PTPN2: variants seen among roughly 807,000 people sequenced by gnomAD.
PTPN2 encodes the protein tyrosine-protein phosphatase non-receptor type 2.
PTPN2 carries 19 observed loss-of-function variants against 57.3 expected under a neutral mutation model. The ratio of observed to expected loss-of-function variants is 0.33; its 90% CI spans 0.23 to 0.49. The LOEUF is 0.49. PTPN2 is among the 20% of genes least tolerant of loss of function. The probability of loss-of-function intolerance (pLI) is 0.99; values close to 1 mark genes in which losing one functional copy is unlikely to be tolerated. For missense variants in PTPN2, 358 were observed against 501.1 expected (o/e 0.71, Z 2.73); for synonymous variants, 153 against 164.9 (o/e 0.93, Z 0.55).
chr18:12,839,022 T>C (rs146320274), intron 2 of PTPN2, among the ~76,000 whole-genome samples: 48 of 151,890 alleles, frequency 3.2e-4, no homozygotes, highest in African/African-American at 1.1e-3. Flanking sequence ...AAATAAAAAG[T>C]ATATATAACT....
At chr18:12,867,084 G>C (rs577254149) in intron 1 of PTPN2, among the ~76,000 whole-genome samples, 1 of 150,622 alleles carries the variant, frequency 6.6e-6, no homozygotes, top group South Asian at 2.1e-4. Context: ...TTTGAGGCCA[G>C]GAGTTCAAGA....
At position 12,814,351 on chromosome 18, in the gene PTPN2, T is replaced by C; in HGVS notation, c.710A>G (p.Glu237Gly). Residue 237 changes from glutamate to glycine, a missense_variant, in exon 7 of 9, where the codon GAA (glutamate) becomes GGA (glycine). Glu to Gly is a moderately conservative substitution (Grantham distance 98). Transcript: ENST00000309660. ...SLVDTCLVLM[E>G]KGDDINIKQV... ...TTTTATGTTAATATCATCTCCTTTT[T>C]CCATCTGCAAGAAAGGCAAAAAATG... The C allele has an allele frequency of 6.3e-7, 1 of 1,583,292 alleles. No homozygotes were observed. Among genetic ancestry groups the C allele is most frequent in the Non-Finnish European group, 8.6e-7 (1 of 1,168,248 alleles).
intron 2 of PTPN2, among the ~76,000 whole-genome samples, chr18:12,842,433 C>T (rs1176592156): frequency 1.3e-5 from 2 of 152,048 alleles, no homozygotes; most frequent in African/African-American, 2.4e-5. Context: ...AAAAGAGTAA[C>T]GGGACTCACA....
rs1034501161 is a variant in PTPN2 at position 12,793,071 on chromosome 18, T to A, written c.*1207A>T. 7.1e-6 allele frequency: 7 copies of A among 985,274 alleles called. No individual in the cohort carries two copies. The highest frequency in any genetic ancestry group is 6.0e-6 in the Non-Finnish European group (5 of 829,872). The allele number at this position is 985,274 out of a possible 1,614,324, so 61.0% of individuals were successfully genotyped here. ...AAATAAGGTATGCTATCCATAATAATGTATGCTATCCATGCCTCCTAGCAA... is the reference window on the plus strand; with the variant it reads ...AAATAAGGTATGCTATCCATAATAAAGTATGCTATCCATGCCTCCTAGCAA... On this transcript the variant is annotated 3_prime_UTR_variant, in exon 9 of 9. Coordinates refer to ENST00000309660, the MANE Select transcript of PTPN2 (RefSeq NM_002828.4).
chr18:12,803,635 A>G (rs550125203), intron 7 of PTPN2, among the ~76,000 whole-genome samples: 10 of 152,342 alleles, frequency 6.6e-5, no homozygotes, highest in Middle Eastern at 3.4e-3. Context: ...AAAATTGTAA[A>G]AAGAAACAAA....
chr18:12,883,857 C>A, intron 1 of PTPN2: 1 of 487,854 alleles, frequency 2.0e-6, no homozygotes, highest in Non-Finnish European at 3.6e-6. Context: ...ATGAGCTGCT[C>A]AGCTCAAGTA....
At chr18:12,809,104 C>T (rs2041801453) in intron 7 of PTPN2, among the ~76,000 whole-genome samples, 1 of 152,142 alleles carries the variant, frequency 6.6e-6, no homozygotes, top group African/African-American at 2.4e-5. Flanking sequence ...GCTAGCCCAC[C>T]ACTGGGCTAG....
At chr18:12,827,614 G>T (rs2042522893) in intron 4 of PTPN2, among the ~76,000 whole-genome samples, 1 of 151,374 alleles carries the variant, frequency 6.6e-6, no homozygotes, top group African/African-American at 2.4e-5. Flanking sequence ...TGAATTCCTG[G>T]GCTCAAGTGA....
At chr18:12,799,354 T>G (rs1416539503) in intron 8 of PTPN2, among the ~76,000 whole-genome samples, 1 of 148,336 alleles carries the variant, frequency 6.7e-6, no homozygotes, top group African/African-American at 2.5e-5. Flanking sequence ...GAGGTGGAGG[T>G]TGCAGTGAGC....
chr18:12,807,721 CAT>C (rs918531879), intron 7 of PTPN2, among the ~76,000 whole-genome samples: 4 of 150,302 alleles, frequency 2.7e-5, no homozygotes, highest in South Asian at 4.2e-4. Flanking sequence ...TGTTCTCACT[CAT>C]ATGTGGAATC....
Position 12,793,774 on chromosome 18 carries a change from C to A in PTPN2, c.*504G>T. ...TTAACTACAAAAGATTAAATAGATACTTATAAAATATATTTACCCTGAAAT... is the reference window on the plus strand; with the variant it reads ...TTAACTACAAAAGATTAAATAGATAATTATAAAATATATTTACCCTGAAAT... On this transcript the variant is annotated 3_prime_UTR_variant, in exon 9 of 9. Coordinates refer to ENST00000309660, the MANE Select transcript of PTPN2 (RefSeq NM_002828.4). The A allele has an allele frequency of 1.1e-6, 1 of 938,262 alleles. No homozygotes were observed. The highest frequency in any genetic ancestry group is 1.3e-6 in the Non-Finnish European group (1 of 785,862). The allele number at this position is 938,262 out of a possible 1,614,324, so 58.1% of individuals were successfully genotyped here. A position where few individuals can be genotyped will look rare whatever the true frequency, so the allele number is the denominator to read the frequency against.
intron 2 of PTPN2, among the ~76,000 whole-genome samples, chr18:12,843,434 G>T (rs952707942): frequency 5.9e-5 from 9 of 152,032 alleles, no homozygotes; most frequent in African/African-American, 4.8e-5. Flanking sequence ...TTTTAATCTA[G>T]AAACAACCAC....
intron 2 of PTPN2, among the ~76,000 whole-genome samples, chr18:12,857,290 G>GT (rs1420339016): frequency 1.3e-5 from 2 of 152,082 alleles, no homozygotes; most frequent in Non-Finnish European, 2.9e-5. Context: ...GACTGTGGTG[G>GT]TGATTCCAGG....
chr18:12,851,144 G>A (rs1328298285), intron 2 of PTPN2, among the ~76,000 whole-genome samples: 1 of 152,080 alleles, frequency 6.6e-6, no homozygotes, highest in East Asian at 1.9e-4. Flanking sequence ...CTAATTGCTG[G>A]ATATAGGGTT....
At chr18:12,876,305 G>GAAGAAGAAGAAA (rs1877612806) in intron 1 of PTPN2, among the ~76,000 whole-genome samples, 1 of 151,572 alleles carries the variant, frequency 6.6e-6, no homozygotes, top group Non-Finnish European at 1.5e-5. Flanking sequence ...AAAAGAAGAA[G>GAAGAAGAAGAAA]AAGAAGAAGA....
At chr18:12,870,351 G>GTATATATATACATATATATA in intron 1 of PTPN2, among the ~76,000 whole-genome samples, 1 of 28,686 alleles carries the variant, frequency 3.5e-5, no homozygotes, top group Non-Finnish European at 6.3e-5. Flanking sequence ...ACATATATAT[G>GTATATATATACATATATATA]TGTATATATA....
chr18:12,828,025 A>G (rs1039848965), intron 4 of PTPN2, among the ~76,000 whole-genome samples: 4 of 152,204 alleles, frequency 2.6e-5, no homozygotes, highest in Non-Finnish European at 5.9e-5. Context: ...GAAAAAAAGA[A>G]TTCTTTGGGT....
At chr18:12,880,871 G>C (rs985951609) in intron 1 of PTPN2, among the ~76,000 whole-genome samples, 1 of 152,126 alleles carries the variant, frequency 6.6e-6, no homozygotes, top group East Asian at 1.9e-4. Context: ...CCTCTCTCCC[G>C]AACTCCAAAT....
At chr18:12,874,522 C>T (rs1317899370) in intron 1 of PTPN2, among the ~76,000 whole-genome samples, 8 of 85,832 alleles carry the variant, frequency 9.3e-5, no homozygotes, top group Non-Finnish European at 1.4e-4. Context: ...CCGCCCCGTC[C>T]GGGAGGAAGG....
Sources: gnomAD v4.1 joint callset for allele counts (sites outside exome capture counted in the v4.1 genomes callset) on GRCh38, gnomAD v4.1.1 for gene constraint, MANE v1.5 for transcripts, NCBI Gene and HGNC (gene_info 2026-07-23, HGNC 2026-07-21) for gene names.